Variants in TMEM131 observed in about 807,000 individuals in gnomAD.
TMEM131 encodes 2610524E03Rik.
A neutral mutation model predicts 211.6 loss-of-function variants in TMEM131; 66 were observed. That is an observed-to-expected ratio of 0.31 (90% CI 0.26 to 0.38). TMEM131 has a LOEUF of 0.38. Among genes scored for constraint, TMEM131 ranks in the 10% least tolerant of loss-of-function variants. TMEM131 has a pLI of 1.00. For synonymous variants in TMEM131, 844 were observed against 841.3 expected (o/e 1.00, Z -0.06); for missense variants, 2,036 against 2,299.3 (o/e 0.89, Z 2.34).
Position 97,904,980 on chromosome 2 carries a change from T to C in TMEM131, c.290+3678A>G, listed in dbSNP as rs552815847. ...TGCAATGTATACATGTTATAAACAA[T>C]CATTTTTGTTTTTAAAATGTTAGAA... is the stretch of plus-strand genomic sequence containing the variant. On this transcript the variant is annotated intron_variant, in intron 3 of 40. Transcript: ENST00000186436. Among the ~76,000 whole-genome samples, 8 of 152,310 alleles carry C rather than the reference T, an allele frequency of 5.3e-5. No homozygotes were observed. In the East Asian group the frequency reaches 1.5e-3, roughly 29 times the overall value.
chr2:97,956,493 C>T (rs944123524), intron 1 of TMEM131, among the ~76,000 whole-genome samples: 8 of 151,146 alleles, frequency 5.3e-5, no homozygotes, highest in African/African-American at 1.9e-4. Context: ...ATTAAAATTT[C>T]GATTTTTTTT....
intron 4 of TMEM131, among the ~76,000 whole-genome samples, chr2:97,885,731 T>C (rs1037919156): frequency 2.0e-5 from 3 of 152,198 alleles, no homozygotes; most frequent in Non-Finnish European, 4.4e-5. Flanking sequence ...ATCTGATAAT[T>C]TGACTATAAT....
intron 1 of TMEM131, among the ~76,000 whole-genome samples, chr2:97,979,919 G>C (rs138694621): frequency 2.0e-5 from 3 of 152,256 alleles, no homozygotes; most frequent in East Asian, 1.9e-4. Flanking sequence ...TCTAGCTTTT[G>C]ATTTATAAGG....
chr2:97,760,719 G>A (rs1678790345), intron 37 of TMEM131, 30 bp from the exon 38 acceptor site: 4 of 1,613,948 alleles, frequency 2.5e-6, no homozygotes, highest in Non-Finnish European at 3.4e-6. Flanking sequence ...ATCAATGGAA[G>A]GCACATTAGG....
intron 3 of TMEM131, among the ~76,000 whole-genome samples, chr2:97,890,243 G>T (rs911294250): frequency 6.6e-6 from 1 of 152,220 alleles, no homozygotes; most frequent in Non-Finnish European, 1.5e-5. Flanking sequence ...GCTACTTTGT[G>T]AAGTACCAAG....
intron 3 of TMEM131, among the ~76,000 whole-genome samples, chr2:97,896,619 CTTCT>C (rs1224619872): frequency 6.6e-6 from 1 of 152,034 alleles, no homozygotes; most frequent in Non-Finnish European, 1.5e-5. Context: ...ATGTAATGCC[CTTCT>C]TTGTCTCTTT....
intron 3 of TMEM131, among the ~76,000 whole-genome samples, chr2:97,891,352 G>C (rs1559428046): frequency 6.6e-6 from 1 of 152,090 alleles, no homozygotes; most frequent in African/African-American, 2.4e-5. Context: ...GAGTAGCTGG[G>C]ACTACAGATG....
At chr2:97,792,270 G>A (rs1680531356) in intron 31 of TMEM131, 116 bp downstream of exon 31, 2 of 831,012 alleles carry the variant, frequency 2.4e-6, no homozygotes, top group African/African-American at 3.4e-5. Flanking sequence ...ATAAATCTGA[G>A]CCAGAGGAAC....
At chr2:97,976,687 T>C (rs1322287004) in intron 1 of TMEM131, among the ~76,000 whole-genome samples, 1 of 152,092 alleles carries the variant, frequency 6.6e-6, no homozygotes. Flanking sequence ...ATGTGAAGGA[T>C]CTTGAATAGG....
chr2:97,976,833 A>G (rs1679557101), intron 1 of TMEM131, among the ~76,000 whole-genome samples: 1 of 152,194 alleles, frequency 6.6e-6, no homozygotes, highest in African/African-American at 2.4e-5. Context: ...ACAGACAACC[A>G]GAAATAAACT....
At chr2:97,988,203 T>C (rs1216543720) in intron 1 of TMEM131, among the ~76,000 whole-genome samples, 1 of 152,174 alleles carries the variant, frequency 6.6e-6, no homozygotes, top group Non-Finnish European at 1.5e-5. Flanking sequence ...GACTACTCAG[T>C]GAAGAAAGGA....
intron 4 of TMEM131, among the ~76,000 whole-genome samples, chr2:97,885,100 T>C (rs1297543386): frequency 2.0e-5 from 3 of 152,254 alleles, no homozygotes; most frequent in Admixed American, 6.5e-5. Context: ...GTTTTCATAA[T>C]GGTGGTTATG....
chr2:97,936,036 T>C (rs1307966669), intron 1 of TMEM131, among the ~76,000 whole-genome samples: 2 of 152,178 alleles, frequency 1.3e-5, no homozygotes, highest in Non-Finnish European at 2.9e-5. Flanking sequence ...GAGAACTGTC[T>C]TTATCTGATC....
chr2:97,775,740 T>C (rs1679689872), intron 32 of TMEM131, 103 bp downstream of exon 32: 4 of 1,296,536 alleles, frequency 3.1e-6, no homozygotes, highest in South Asian at 1.5e-5. Context: ...GATTTAAACA[T>C]TACTTTTGTA....
At chr2:97,772,925 C>T (rs371924993) in intron 32 of TMEM131, among the ~76,000 whole-genome samples, 5 of 152,124 alleles carry the variant, frequency 3.3e-5, no homozygotes, top group African/African-American at 9.7e-5. Flanking sequence ...GTCTCGACTA[C>T]GTTTTGGTGA....
At chr2:97,913,296 A>G (rs79056449) in intron 2 of TMEM131, among the ~76,000 whole-genome samples, 6,267 of 152,290 alleles carry the variant, frequency 0.041, 230 homozygotes, top group African/African-American at 0.096. Flanking sequence ...TCAATTTTAT[A>G]GAGATATCAA....
chr2:97,832,384 T>C (rs17022797), intron 11 of TMEM131, among the ~76,000 whole-genome samples: 2,758 of 152,330 alleles, frequency 0.018, 24 homozygotes, highest in Middle Eastern at 0.065. Flanking sequence ...CACTTTCCCA[T>C]CTAGGAGAAA....
chr2:97,953,929 A>G lies in TMEM131; in HGVS notation c.188-26442T>C, dbSNP rs73960438. On this transcript the variant is annotated intron_variant, in intron 1 of 40. Transcript: ENST00000186436. ...AAACACTTCTGTATACCACATGTCT[A>G]AACAAATCATTGGCCAAAAAGCAAT... 4.1e-3 allele frequency among the ~76,000 whole-genome samples: 623 copies of G among 152,344 alleles called. 7 individuals carry two copies. The highest frequency in any genetic ancestry group is 0.014 in the African/African-American group (602 of 41,578).
chr2:97,944,850 G>C (rs1363758888), intron 1 of TMEM131, among the ~76,000 whole-genome samples: 1 of 152,146 alleles, frequency 6.6e-6, no homozygotes, highest in Non-Finnish European at 1.5e-5. Context: ...AAACGCCTAA[G>C]TCGCTGGTGG....
Sources: gnomAD v4.1 joint callset for allele counts (sites outside exome capture counted in the v4.1 genomes callset) on GRCh38, gnomAD v4.1.1 for gene constraint, MANE v1.5 for transcripts, NCBI Gene and HGNC (gene_info 2026-07-23, HGNC 2026-07-21) for gene names.